Variants in DNER observed in about 807,000 individuals in gnomAD.
DNER encodes delta/notch like EGF repeat containing, also known as delta and Notch-like epidermal growth factor-related receptor.
DNER carries 33 observed loss-of-function variants against 78.2 expected under a neutral mutation model. The observed-to-expected ratio is 0.42, with a 90% CI of 0.32 to 0.56. The LOEUF is 0.56. Among genes scored for constraint, DNER ranks in the 20% least tolerant of loss-of-function variants. The probability of loss-of-function intolerance (pLI) is 0.11; values close to 1 mark genes in which losing one functional copy is unlikely to be tolerated. For missense variants in DNER, 918 were observed against 975.3 expected, an observed-to-expected ratio of 0.94 and a Z score of 0.78; for synonymous variants, 417 against 384.8, an observed-to-expected ratio of 1.08 and a Z score of -0.98.
In DNER at chr2:229,401,475, T is replaced by A. The variant is rs138479576; in HGVS notation, c.1723+5757A>T. On this transcript the variant is annotated intron_variant, in intron 10 of 12. Coordinates refer to ENST00000341772, the MANE Select transcript of DNER (RefSeq NM_139072.4). ...AAACAAACTCTGGGACATCCATACTTTGGAATACTGCTCAGCAATAAAAAG... is the reference window on the plus strand; with the variant it reads ...AAACAAACTCTGGGACATCCATACTATGGAATACTGCTCAGCAATAAAAAG... Among the ~76,000 whole-genome samples, 102 of 152,100 alleles carry A rather than the reference T, an allele frequency of 6.7e-4. 1 individual carries two copies. The East Asian group carries it at 0.02, about 29-fold the overall frequency.
intron 6 of DNER, among the ~76,000 whole-genome samples, chr2:229,493,129 TAGTC>T (rs1208990907): frequency 2.0e-5 from 3 of 152,076 alleles, no homozygotes; most frequent in Non-Finnish European, 4.4e-5. Context: ...CACTGACACT[TAGTC>T]AGTGTGCAAA....
At position 229,357,756 on chromosome 2, in the gene DNER, A is replaced by T. The variant is rs1692120890; in HGVS notation, c.*784T>A. The T allele has an allele frequency of 1.3e-5, 2 of 152,218 alleles. No homozygotes were observed. The highest frequency in any genetic ancestry group is 6.5e-5 in the Admixed American group (1 of 15,286). 9.4% of individuals were successfully genotyped at this position (152,218 alleles called of 1,614,324 possible). On this transcript the variant is annotated 3_prime_UTR_variant, in exon 13 of 13. Transcript: ENST00000341772. ...TAAAGCTGCACTATGAGAAATACTC[A>T]CTACTGAAGGAACCAGTACTCTCTT...
At chr2:229,575,589 A>G (rs959105806) in intron 4 of DNER, among the ~76,000 whole-genome samples, 1 of 152,178 alleles carries the variant, frequency 6.6e-6, no homozygotes, top group Non-Finnish European at 1.5e-5. Flanking sequence ...TTTCAGGGAC[A>G]GTCTTGGTAG....
chr2:229,618,754 G>C (rs943509831), intron 1 of DNER, among the ~76,000 whole-genome samples: 2 of 152,156 alleles, frequency 1.3e-5, no homozygotes, highest in East Asian at 1.9e-4. Flanking sequence ...TTCAGTAACT[G>C]TTATATAAGC....
intron 6 of DNER, among the ~76,000 whole-genome samples, chr2:229,497,262 G>C (rs1417225328): frequency 4.6e-5 from 7 of 151,944 alleles, no homozygotes; most frequent in African/African-American, 1.7e-4. Context: ...AACAAAAATG[G>C]AAACACAACA....
chr2:229,533,646 G>A (rs1287003365), intron 5 of DNER, among the ~76,000 whole-genome samples: 2 of 152,098 alleles, frequency 1.3e-5, no homozygotes, highest in African/African-American at 2.4e-5. Context: ...TCAAGGAAGT[G>A]CACTTGGGCC....
chr2:229,649,856 C>T (rs1445867655), intron 1 of DNER, among the ~76,000 whole-genome samples: 1 of 152,028 alleles, frequency 6.6e-6, no homozygotes, highest in Admixed American at 6.6e-5. Context: ...GGGCGGATCA[C>T]GAGGTCAGGA....
At chr2:229,523,082 G>C (rs989569156) in intron 5 of DNER, among the ~76,000 whole-genome samples, 2 of 152,206 alleles carry the variant, frequency 1.3e-5, no homozygotes, top group Non-Finnish European at 2.9e-5. Flanking sequence ...CCTGAGAAAG[G>C]TGATGAGGGG....
intron 8 of DNER, among the ~76,000 whole-genome samples, chr2:229,432,010 T>C (rs536219464): frequency 6.6e-6 from 1 of 152,330 alleles, no homozygotes; most frequent in East Asian, 1.9e-4. Context: ...AAGTGGCCTA[T>C]TTTTCTTACT....
At chr2:229,628,968 C>A (rs6726280) in intron 1 of DNER, among the ~76,000 whole-genome samples, 31,129 of 152,140 alleles carry the variant, frequency 0.2, 3,875 homozygotes, top group African/African-American at 0.33. Flanking sequence ...CCAACACCCC[C>A]TCACCCTGCT....
At chr2:229,700,125 T>A (rs530539293) in intron 1 of DNER, among the ~76,000 whole-genome samples, 32 of 151,768 alleles carry the variant, frequency 2.1e-4, no homozygotes, top group Non-Finnish European at 3.5e-4. Flanking sequence ...TTAAACCAAT[T>A]AAATATCATG....
At chr2:229,708,600 C>G (rs1559216922) in intron 1 of DNER, among the ~76,000 whole-genome samples, 1 of 152,196 alleles carries the variant, frequency 6.6e-6, no homozygotes, top group Non-Finnish European at 1.5e-5. Flanking sequence ...TCTAAAAATA[C>G]AACCCTGGCA....
At chr2:229,514,194 A>T (rs1189176263) in intron 5 of DNER, among the ~76,000 whole-genome samples, 1 of 152,190 alleles carries the variant, frequency 6.6e-6, no homozygotes, top group African/African-American at 2.4e-5. Flanking sequence ...GATACTTGCT[A>T]GTAATTATTA....
chr2:229,479,349 T>C lies in DNER; in HGVS notation c.1148-2096A>G, dbSNP rs566055636. 5.3e-5 allele frequency among the ~76,000 whole-genome samples: 8 copies of C among 152,156 alleles called. No individual in the cohort carries two copies. In the East Asian group the frequency reaches 1.4e-3, roughly 26 times the overall value. ...ATCGTCAACAAACAGGTATTTAGTATGAAGGGAAAATAACAGAAAATAATG... is the reference window on the plus strand; with the variant it reads ...ATCGTCAACAAACAGGTATTTAGTACGAAGGGAAAATAACAGAAAATAATG... On this transcript the variant is annotated intron_variant, in intron 6 of 12. Transcript: ENST00000341772.
At chr2:229,451,878 T>C (rs1006794194) in intron 7 of DNER, among the ~76,000 whole-genome samples, 2 of 152,200 alleles carry the variant, frequency 1.3e-5, no homozygotes, top group Non-Finnish European at 2.9e-5. Context: ...AGGCAATCAC[T>C]CTAGCTTTAT....
chr2:229,408,212 T>G (rs1373701062), intron 9 of DNER, among the ~76,000 whole-genome samples: 4 of 152,200 alleles, frequency 2.6e-5, no homozygotes, highest in Non-Finnish European at 4.4e-5. Context: ...GGGACTGGAT[T>G]ACTTCCAGGA....
intron 1 of DNER, among the ~76,000 whole-genome samples, chr2:229,662,677 A>ATCC (rs1232501763): frequency 6.6e-6 from 1 of 152,128 alleles, no homozygotes; most frequent in Non-Finnish European, 1.5e-5. Flanking sequence ...GAAACCAGAG[A>ATCC]TAAAAGCAAA....
intron 7 of DNER, among the ~76,000 whole-genome samples, chr2:229,465,277 G>C (rs1694780768): frequency 6.6e-6 from 1 of 152,186 alleles, no homozygotes; most frequent in East Asian, 1.9e-4. Flanking sequence ...CATGTCTTTT[G>C]CAGGGACATG....
chr2:229,691,457 T>C (rs1699570739), intron 1 of DNER, among the ~76,000 whole-genome samples: 1 of 152,050 alleles, frequency 6.6e-6, no homozygotes, highest in Non-Finnish European at 1.5e-5. Context: ...AGACGTGAGA[T>C]TTATCAGAGC....
Sources: gnomAD v4.1 joint callset for allele counts (sites outside exome capture counted in the v4.1 genomes callset) on GRCh38, gnomAD v4.1.1 for gene constraint, MANE v1.5 for transcripts, NCBI Gene and HGNC (gene_info 2026-07-23, HGNC 2026-07-21) for gene names.